PCDHGA9: variants seen among roughly 807,000 people sequenced by gnomAD.
PCDHGA9 encodes the protein protocadherin gamma subfamily A, 9.
In PCDHGA9, 37 loss-of-function variants were observed where a neutral mutation model predicts 62.5. The observed-to-expected ratio is 0.59, with a 90% CI of 0.46 to 0.78. The LOEUF (loss-of-function observed/expected upper bound fraction) is 0.78. Ranked by LOEUF, PCDHGA9 falls within the 30% of genes least tolerant of loss-of-function variation. The pLI, the probability that PCDHGA9 is intolerant of heterozygous loss-of-function variation, is 0.00. For missense variants in PCDHGA9, 1,138 were observed against 1,166.2 expected (o/e 0.98, Z 0.35); for synonymous variants, 459 against 484.6 (o/e 0.95, Z 0.69).
At chr5:141,426,693 A>G (rs62378458) in intron 1 of PCDHGA9, 1 of 435,784 alleles carries the variant, frequency 2.3e-6, no homozygotes, top group African/African-American at 2.0e-5. Flanking sequence ...CCAAAATAGC[A>G]TTGTTTTACA....
chr5:141,464,063 A>G (rs893270944), intron 1 of PCDHGA9, among the ~76,000 whole-genome samples: 2 of 152,016 alleles, frequency 1.3e-5, no homozygotes, highest in Non-Finnish European at 2.9e-5. Flanking sequence ...TCAGGAGTTC[A>G]AGGCCAGCCT....
At position 141,405,363 on chromosome 5, in the gene PCDHGA9, C is replaced by T. The variant is rs765508317; in HGVS notation, c.2411C>T (p.Thr804Ile). The T allele has an allele frequency of 2.0e-5, 33 of 1,613,690 alleles. No individual in the cohort carries two copies. The highest frequency in any genetic ancestry group is 2.7e-5 in the African/African-American group (2 of 74,888). The change falls in exon 1 of 4, where the codon ACC (threonine) becomes ATC (isoleucine). Residue 804 changes from threonine (T) to isoleucine (I), a missense_variant. Coordinates refer to ENST00000573521, the MANE Select transcript of PCDHGA9 (RefSeq NM_018921.3). ...GATTCCAAGTTTCCTATAGAAGACACCCCTTTGGTTCCGGTGAGTTCATTT... is the reference window on the plus strand; with the variant it reads ...GATTCCAAGTTTCCTATAGAAGACATCCCTTTGGTTCCGGTGAGTTCATTT... Reference protein sequence around the residue: ...SVDSKFPIEDTPLVPQAPPNT... With the variant: ...SVDSKFPIEDIPLVPQAPPNT...
intron 1 of PCDHGA9, among the ~76,000 whole-genome samples, chr5:141,467,903 C>G (rs1256664266): frequency 6.6e-6 from 1 of 152,156 alleles, no homozygotes. Context: ...AAGAAATCCG[C>G]CCACCTCAGC....
chr5:141,470,969 A>C (rs62379203), intron 1 of PCDHGA9, among the ~76,000 whole-genome samples: 16,337 of 151,332 alleles, frequency 0.11, 895 homozygotes, highest in South Asian at 0.15. Flanking sequence ...CTCCCACCTC[A>C]GCCTCCCAAA....
At chr5:141,505,780 G>A (rs1595982811) in intron 3 of PCDHGA9, among the ~76,000 whole-genome samples, 1 of 139,456 alleles carries the variant, frequency 7.2e-6, no homozygotes, top group Non-Finnish European at 1.6e-5. Flanking sequence ...TCCTAGCTCT[G>A]CTACTATCCT....
At chr5:141,469,964 G>T (rs974494589) in intron 1 of PCDHGA9, among the ~76,000 whole-genome samples, 2 of 152,002 alleles carry the variant, frequency 1.3e-5, no homozygotes, top group Non-Finnish European at 2.9e-5. Flanking sequence ...AACCCCATCT[G>T]TACCAAAAAT....
At chr5:141,428,097 C>T (rs2097109296) in intron 1 of PCDHGA9, 2 of 1,608,758 alleles carry the variant, frequency 1.2e-6, no homozygotes, top group African/African-American at 1.3e-5. Flanking sequence ...GCTGTCCTAC[C>T]ACGTGCTGCA....
intron 1 of PCDHGA9, among the ~76,000 whole-genome samples, chr5:141,449,281 G>A (rs1051064124): frequency 6.6e-6 from 1 of 151,946 alleles, no homozygotes; most frequent in Non-Finnish European, 1.5e-5. Context: ...TCCTTCACCC[G>A]GATGCACCGG....
Position 141,491,094 on chromosome 5 carries a change from G to C in PCDHGA9, c.2425-3713G>C, listed in dbSNP as rs1240705650. The C allele has an allele frequency of 1.9e-6, 3 of 1,614,202 alleles. No homozygotes were observed. Among genetic ancestry groups the C allele is most frequent in the Non-Finnish European group, 2.5e-6 (3 of 1,180,030 alleles). On this transcript the variant is annotated intron_variant, in intron 1 of 3. Coordinates refer to ENST00000573521, the MANE Select transcript of PCDHGA9 (RefSeq NM_018921.3). The surrounding 1 kb of genome is among the most constrained non-coding windows in gnomAD (Gnocchi z 6.9). The stretch of plus-strand genomic sequence containing the variant: ...TGCCACAGTCCACAGCCCCAGGACT[G>C]TTCCTCGTGTCTACACACACTGGTG...
In PCDHGA9 at chr5:141,489,053, G is replaced by C; in HGVS notation, c.2425-5754G>C. 1 of 473,650 alleles carries C rather than the reference G, an allele frequency of 2.1e-6. No homozygotes were observed. Among genetic ancestry groups the C allele is most frequent in the Non-Finnish European group, 3.7e-6 (1 of 270,732 alleles). The allele number at this position is 473,650 out of a possible 1,614,324, so 29.3% of individuals were successfully genotyped here. A position where few individuals can be genotyped will look rare whatever the true frequency, so the allele number is the denominator to read the frequency against. On this transcript the variant is annotated intron_variant, in intron 1 of 3. Transcript: ENST00000573521. The surrounding 1 kb of genome is among the most constrained non-coding windows in gnomAD (Gnocchi z 4.5). ...AGCTCCCCAGCTCCACTCAAATTCA[G>C]CTCCCCTCCCCCCTGCCCACCCCCG...
chr5:141,415,690 G>C (rs1218128531), intron 1 of PCDHGA9: 4 of 1,512,972 alleles, frequency 2.6e-6, no homozygotes, highest in Non-Finnish European at 3.6e-6. Context: ...CATGATGGTG[G>C]AAAGTGTAAA....
At chr5:141,413,353 C>T (rs2095629361) in intron 1 of PCDHGA9, 2 of 1,613,844 alleles carry the variant, frequency 1.2e-6, no homozygotes, top group Middle Eastern at 1.6e-4. Context: ...GGGTCTGGCG[C>T]CCCGGGAGCT....
At chr5:141,449,215 T>C (rs2098631967) in intron 1 of PCDHGA9, among the ~76,000 whole-genome samples, 2 of 152,170 alleles carry the variant, frequency 1.3e-5, no homozygotes, top group Non-Finnish European at 2.9e-5. Context: ...ACTTTCTGTT[T>C]TGAAATGATT....
At position 141,431,123 on chromosome 5, in the gene PCDHGA9, GAAGT is replaced by G. The variant is rs751548736; in HGVS notation, c.2424+25751_2424+25754del. The G allele has an allele frequency of 1.2e-6, 2 of 1,614,100 alleles. No individual in the cohort carries two copies. The highest frequency in any genetic ancestry group is 3.3e-5 in the Admixed American group (2 of 60,014). On this transcript the variant is annotated intron_variant, in intron 1 of 3. Transcript: ENST00000573521. This position sits in a 1 kb window ranked among gnomAD's most constrained non-coding sequence, Gnocchi z 4.8. ...AGTGAAAATATATGGAGTAGAAGTA[GAAGT>G]AAGGGACATTAACGACAATGCGCCT... is the stretch of plus-strand genomic sequence containing the variant.
At chr5:141,483,648 T>TTGTGTGTGTGTGTG (rs111458813) in intron 1 of PCDHGA9, among the ~76,000 whole-genome samples, 2 of 149,592 alleles carry the variant, frequency 1.3e-5, no homozygotes, top group Non-Finnish European at 3.0e-5. Context: ...GGGTGTGTGT[T>TTGTGTGTGTGTGTG]TGTGTGTGTG....
At position 141,431,262 on chromosome 5, in the gene PCDHGA9, A is replaced by G. The variant is rs371663018; in HGVS notation, c.2424+25886A>G. The stretch of plus-strand genomic sequence containing the variant: ...CCGGATATCGGGAAGAACTCTCTGC[A>G]GAGCTACGAGCTCAGCCCGAACACT... On this transcript the variant is annotated intron_variant, in intron 1 of 3. Coordinates refer to ENST00000573521, the MANE Select transcript of PCDHGA9 (RefSeq NM_018921.3). The surrounding 1 kb of genome is among the most constrained non-coding windows in gnomAD (Gnocchi z 4.8). The G allele has an allele frequency of 2.6e-5, 42 of 1,614,184 alleles. No homozygotes were observed. In the African/African-American group the frequency reaches 2.7e-4, roughly 10 times the overall value.
At position 141,405,049 on chromosome 5, in the gene PCDHGA9, C is replaced by T. The variant is rs190786640; in HGVS notation, c.2097C>T (p.Val699=). 223 of 1,613,936 alleles carry T rather than the reference C, an allele frequency of 1.4e-4. 1 individual carries two copies. The African/African-American group carries it at 1.9e-3, about 14-fold the overall frequency. Residue 699 remains valine (V), a synonymous_variant, in exon 1 of 4, where the codon GTC becomes GTT. Coordinates refer to ENST00000573521, the MANE Select transcript of PCDHGA9 (RefSeq NM_018921.3). ...TCTACCTCGTTGTGGCTGTGGCAGTCGTCTCCTGTGTCTTCCTCACCTTCG... is the reference window on the plus strand; with the variant it reads ...TCTACCTCGTTGTGGCTGTGGCAGTTGTCTCCTGTGTCTTCCTCACCTTCG... ...LTLYLVVAVA[V]VSCVFLTFVI...
Position 141,490,121 on chromosome 5 carries a change from G to A in PCDHGA9, c.2425-4686G>A. On this transcript the variant is annotated intron_variant, in intron 1 of 3. Coordinates refer to ENST00000573521, the MANE Select transcript of PCDHGA9 (RefSeq NM_018921.3). The surrounding 1 kb of genome is among the most constrained non-coding windows in gnomAD (Gnocchi z 5.4). Reference sequence around the variant, plus strand: ...TCTGAGGCAGTGCGGAACCTCTTTGGCCTAGACCCTAGCAGTGGGGCAATC... The same window carrying A: ...TCTGAGGCAGTGCGGAACCTCTTTGACCTAGACCCTAGCAGTGGGGCAATC... 1 of 1,614,256 alleles carries A rather than the reference G, an allele frequency of 6.2e-7. No individual in the cohort carries two copies. Among genetic ancestry groups the A allele is most frequent in the Non-Finnish European group, 8.5e-7 (1 of 1,180,052 alleles).
rs371139792 is a variant in PCDHGA9 at position 141,490,160 on chromosome 5, C to A, written c.2425-4647C>A. On this transcript the variant is annotated intron_variant, in intron 1 of 3. Transcript: ENST00000573521. This position sits in a 1 kb window ranked among gnomAD's most constrained non-coding sequence, Gnocchi z 5.4. The stretch of plus-strand genomic sequence containing the variant: ...AGTGGGGCAATCCATGTGTTGGGTC[C>A]CATAGACTTTGAGGAGTCACGTTTC... The A allele has an allele frequency of 5.6e-6, 9 of 1,614,192 alleles. No homozygotes were observed. The highest frequency in any genetic ancestry group is 7.6e-6 in the Non-Finnish European group (9 of 1,180,016).
Sources: gnomAD v4.1 joint callset for allele counts (sites outside exome capture counted in the v4.1 genomes callset) on GRCh38, gnomAD v4.1.1 for gene constraint, Gnocchi (gnomAD v3.1) non-coding constraint, MANE v1.5 for transcripts, NCBI Gene and HGNC (gene_info 2026-07-23, HGNC 2026-07-21) for gene names.